COL6A6: variants seen among roughly 807,000 people sequenced by gnomAD.
COL6A6 encodes the protein collagen type VI alpha 6 chain.
In COL6A6, 183 loss-of-function variants were observed where a neutral mutation model predicts 208.6. The observed-to-expected ratio is 0.88, with a 90% CI of 0.78 to 0.99. COL6A6 has a LOEUF of 0.99. Ranked by LOEUF, COL6A6 falls within the 50% of genes least tolerant of loss-of-function variation. The pLI is 0.00. For synonymous variants in COL6A6, 973 were observed against 1,011.8 expected (o/e 0.96, Z 0.73); for missense variants, 2,816 against 2,815.2 (o/e 1.00, Z -0.01).
rs1190650158 is a variant in COL6A6 at position 130,563,593 on chromosome 3, A to G, written c.590A>G (p.Gln197Arg). The change falls in exon 3 of 37, where the codon CAA becomes CGA. Residue 197 changes from glutamine (Q) to arginine (R), a missense_variant. Transcript: ENST00000358511. ...GTCAGAGACCTCAGCATGTTTTCCC[A>G]AAACATGACACACATCATCAAGGAT... ...RTVRDLSMFSQNMTHIIKDVI... is the reference protein window; with the variant it reads ...RTVRDLSMFSRNMTHIIKDVI... The G allele has an allele frequency of 6.2e-7, 1 of 1,614,038 alleles. No homozygotes were observed.
In COL6A6 at chr3:130,591,068, G is replaced by C; in HGVS notation, c.4246G>C (p.Gly1416Arg). Residue 1416 changes from glycine (G) to arginine (R), a missense_variant, in exon 13 of 37, where the codon GGC becomes CGC. Transcript: ENST00000358511. ...RGPPGFKGSEGYLGEEGIAGE... is the reference protein window; with the variant it reads ...RGPPGFKGSERYLGEEGIAGE... Reference sequence around the variant, plus strand: ...ACCTCCAGGTTTTAAAGGCAGTGAAGGCTACCTGGGAGAGGAGGGAATCGC... The same window carrying C: ...ACCTCCAGGTTTTAAAGGCAGTGAACGCTACCTGGGAGAGGAGGGAATCGC... 6.3e-7 allele frequency: 1 copy of C among 1,584,094 alleles called. No individual in the cohort carries two copies. Among genetic ancestry groups the C allele is most frequent in the African/African-American group, 1.3e-5 (1 of 74,712 alleles).
intron 28 of COL6A6, among the ~76,000 whole-genome samples, chr3:130,640,050 G>C (rs2065266932): frequency 6.6e-6 from 1 of 152,136 alleles, no homozygotes; most frequent in South Asian, 2.1e-4. Context: ...TTTGTTGCTA[G>C]GGTGGGAAAA....
In COL6A6 at chr3:130,565,230, T is replaced by C. The variant is rs559155372; in HGVS notation, c.898T>C (p.Ser300Pro). ...GGTTCTCCAGCATATACAGAACCTT[T>C]CTCCCCGAACTGGGAAGGCCTATAC... ...SEVLQHIQNL[S>P]PRTGKAYTGA... is the part of the protein sequence containing the mutation. The change falls in exon 4 of 37, where the codon TCT (serine) becomes CCT (proline). Residue 300 changes from serine to proline, a missense_variant. Physicochemically the swap from Ser to Pro is moderately conservative, Grantham distance 74. Transcript: ENST00000358511. The C allele has an allele frequency of 1.2e-6, 2 of 1,613,972 alleles. No homozygotes were observed. The highest frequency in any genetic ancestry group is 2.2e-5 in the South Asian group (2 of 91,078).
intron 22 of COL6A6, among the ~76,000 whole-genome samples, chr3:130,609,941 A>G (rs906423924): frequency 7.6e-5 from 11 of 143,808 alleles, no homozygotes; most frequent in African/African-American, 7.8e-5. Flanking sequence ...TTTCCAGCTG[A>G]GGAAAGCTCA....
In COL6A6 at chr3:130,586,543, T is replaced by G; in HGVS notation, c.4008T>G (p.Pro1336=). The G allele has an allele frequency of 6.2e-7, 1 of 1,613,938 alleles. No homozygotes were observed. The highest frequency in any genetic ancestry group is 8.5e-7 in the Non-Finnish European group (1 of 1,179,848). ...TCATAACTGTTGCTCTGGATGGACC[T>G]GCTGATTCAAGTGACTTGGCTGATC... ...NALITVALDG[P]ADSSDLADLP... Residue 1336 remains proline (P), a synonymous_variant, in exon 11 of 37, where the codon CCT becomes CCG. Transcript: ENST00000358511.
At chr3:130,549,072 T>C (rs1430690752) in intron 1 of COL6A6, among the ~76,000 whole-genome samples, 2 of 152,250 alleles carry the variant, frequency 1.3e-5, no homozygotes, top group Non-Finnish European at 2.9e-5. Context: ...TTTAAACCTA[T>C]ATTAACTTTA....
chr3:130,597,092 G>T (rs1327252788), intron 18 of COL6A6, among the ~76,000 whole-genome samples: 2 of 152,118 alleles, frequency 1.3e-5, no homozygotes, highest in Non-Finnish European at 1.5e-5. Flanking sequence ...AAGTAGTTTA[G>T]AATTGAACTA....
intron 20 of COL6A6, among the ~76,000 whole-genome samples, chr3:130,605,915 T>C (rs1354887628): frequency 1.3e-5 from 2 of 152,192 alleles, no homozygotes; most frequent in African/African-American, 2.4e-5. Context: ...ATGAGACTTA[T>C]TCACTTCCAT....
Position 130,598,407 on chromosome 3 carries a change from T to C in COL6A6, c.4576T>C (p.Leu1526=). The part of the protein sequence containing the change: ...VDSSIEGPTG[L]KGERGRQGRR... ...CAGTAGCATAGAAGGACCCACAGGC[T>C]TGAAAGGAGAACGTGGAAGACAAGT... The change falls in exon 19 of 37, where the codon TTG becomes CTG. Residue 1526 remains leucine, a synonymous_variant. Transcript: ENST00000358511. 3 of 1,552,454 alleles carry C rather than the reference T, an allele frequency of 1.9e-6. No individual in the cohort carries two copies. The highest frequency in any genetic ancestry group is 2.6e-6 in the Non-Finnish European group (3 of 1,147,006).
At chr3:130,542,992 G>C (rs1419664991) in intron 1 of COL6A6, among the ~76,000 whole-genome samples, 1 of 140,174 alleles carries the variant, frequency 7.1e-6, no homozygotes, top group Non-Finnish European at 1.5e-5. Flanking sequence ...TGCAACCTCC[G>C]CCTCCCGGGT....
At chr3:130,627,403 C>T in intron 26 of COL6A6, 34 bp downstream of exon 26, 2 of 1,607,090 alleles carry the variant, frequency 1.2e-6, no homozygotes, top group Non-Finnish European at 1.7e-6. Context: ...GGACGTTTTC[C>T]ATTTATTTTT....
Position 130,563,508 on chromosome 3 carries a change from G to C in COL6A6, c.505G>C (p.Ala169Pro), listed in dbSNP as rs372156592. The change falls in exon 3 of 37, where the codon GCT becomes CCT. Residue 169 changes from alanine (A) to proline (P), a missense_variant. Coordinates refer to ENST00000358511, the MANE Select transcript of COL6A6 (RefSeq NM_001102608.3). ...VKIISVGVQK[A>P]SEENLKAMAT... Reference sequence around the variant, plus strand: ...AATCATCTCTGTAGGGGTGCAGAAAGCTTCTGAGGAAAACCTGAAGGCCAT... The same window carrying C: ...AATCATCTCTGTAGGGGTGCAGAAACCTTCTGAGGAAAACCTGAAGGCCAT... 2.0e-5 allele frequency: 33 copies of C among 1,613,910 alleles called. 1 individual carries two copies. The highest frequency in any genetic ancestry group is 2.7e-5 in the Non-Finnish European group (32 of 1,179,908).
chr3:130,581,001 T>TA (rs1341582289), intron 8 of COL6A6, among the ~76,000 whole-genome samples: 3 of 151,304 alleles, frequency 2.0e-5, no homozygotes. Flanking sequence ...CTGAATTTTT[T>TA]AGTTTTTTTT....
intron 36 of COL6A6, among the ~76,000 whole-genome samples, 195 bp downstream of exon 36, chr3:130,665,291 A>AT (rs1393829006): frequency 6.6e-6 from 1 of 152,022 alleles, no homozygotes; most frequent in Non-Finnish European, 1.5e-5. Context: ...TGAAAAACAA[A>AT]TTGCTTTTTT....
At chr3:130,568,963 T>C (rs1402345151) in intron 6 of COL6A6, among the ~76,000 whole-genome samples, 7 of 152,206 alleles carry the variant, frequency 4.6e-5, no homozygotes, top group African/African-American at 1.7e-4. Flanking sequence ...GGTCAGGGCA[T>C]GGGTAGGAAC....
At chr3:130,549,857 A>G (rs549948440) in intron 1 of COL6A6, among the ~76,000 whole-genome samples, 1 of 152,262 alleles carries the variant, frequency 6.6e-6, no homozygotes, top group East Asian at 1.9e-4. Flanking sequence ...TGCCTTGGCT[A>G]TTTAGGCTCT....
chr3:130,614,976 T>C (rs1399095842), intron 23 of COL6A6, among the ~76,000 whole-genome samples: 1 of 152,154 alleles, frequency 6.6e-6, no homozygotes, highest in Admixed American at 6.6e-5. Flanking sequence ...GTTGATCTTC[T>C]GTATGATTTT....
At chr3:130,592,343 G>A (rs996692302) in intron 13 of COL6A6, among the ~76,000 whole-genome samples, 198 bp from the exon 14 acceptor site, 1 of 152,224 alleles carries the variant, frequency 6.6e-6, no homozygotes, top group Admixed American at 6.5e-5. Context: ...CAGTATGCAA[G>A]TGGGATCCAA....
intron 12 of COL6A6, among the ~76,000 whole-genome samples, chr3:130,590,634 C>A (rs1420273379): frequency 6.6e-6 from 1 of 151,906 alleles, no homozygotes; most frequent in African/African-American, 2.4e-5. Context: ...GTGGTGCGAT[C>A]TCGGCTCACT....
Sources: allele counts gnomAD v4.1 joint callset (sites outside exome capture counted in the v4.1 genomes callset), GRCh38; gene constraint gnomAD v4.1.1; transcripts MANE v1.5; gene names NCBI Gene and HGNC (gene_info 2026-07-23, HGNC 2026-07-21).